CAPZB: variants seen among roughly 807,000 people sequenced by gnomAD.
The protein encoded by CAPZB is capping actin protein of muscle Z-line subunit beta, also known as F-actin-capping protein subunit beta.
In CAPZB, 2 loss-of-function variants were observed where a neutral mutation model predicts 38.1. The observed-to-expected ratio is 0.05, with a 90% CI of 0.02 to 0.17. CAPZB has a LOEUF of 0.17. Among genes scored for constraint, CAPZB ranks in the 10% least tolerant of loss-of-function variants. CAPZB has a pLI of 1.00. For missense variants in CAPZB, 161 were observed against 334.2 expected, an observed-to-expected ratio of 0.48 and a Z score of 4.04; for synonymous variants, 107 against 127.4, an observed-to-expected ratio of 0.84 and a Z score of 1.08.
At chr1:19,431,514 G>A (rs1047367759) in intron 1 of CAPZB, among the ~76,000 whole-genome samples, 4 of 152,084 alleles carry the variant, frequency 2.6e-5, no homozygotes, top group Admixed American at 2.6e-4. Context: ...GAGGTCAGCA[G>A]ATCAAGACCA....
intron 3 of CAPZB, among the ~76,000 whole-genome samples, chr1:19,380,860 A>T (rs2094170599): frequency 6.6e-6 from 1 of 152,094 alleles, no homozygotes; most frequent in South Asian, 2.1e-4. Context: ...CGCTCATTAA[A>T]AAAAAAAATG....
chr1:19,427,270 A>T (rs182293684), intron 1 of CAPZB, among the ~76,000 whole-genome samples: 3 of 152,330 alleles, frequency 2.0e-5, no homozygotes, highest in African/African-American at 7.2e-5. Context: ...TTTGTGCTTA[A>T]CAGCATCTGT....
chr1:19,411,989 C>T (rs976449834), intron 2 of CAPZB, among the ~76,000 whole-genome samples: 3 of 152,212 alleles, frequency 2.0e-5, no homozygotes, highest in Non-Finnish European at 4.4e-5. Context: ...CCAGAGCATG[C>T]CTCCTGCTCT....
At chr1:19,474,807 C>T (rs946199519) in intron 1 of CAPZB, among the ~76,000 whole-genome samples, 7 of 152,138 alleles carry the variant, frequency 4.6e-5, no homozygotes, top group African/African-American at 1.7e-4. Flanking sequence ...CTCTGGGTAC[C>T]AAATGTAACT....
intron 1 of CAPZB, among the ~76,000 whole-genome samples, chr1:19,461,432 C>T (rs2094551618): frequency 6.6e-6 from 1 of 152,180 alleles, no homozygotes; most frequent in Non-Finnish European, 1.5e-5. Flanking sequence ...GGAGCTTCAC[C>T]CAGCCTGAGC....
At chr1:19,340,131 A>G (rs1224972114) in intron 8 of CAPZB, among the ~76,000 whole-genome samples, 1 of 152,228 alleles carries the variant, frequency 6.6e-6, no homozygotes, top group Non-Finnish European at 1.5e-5. Context: ...TGCCCAGCAG[A>G]AGAGCCTCAT....
rs1243032633 is a variant in CAPZB, at chr1:19,366,307, T to TATATATATAA, written c.330-8745_330-8744insTTATATATAT. 1.9e-4 allele frequency among the ~76,000 whole-genome samples: 14 copies of TATATATATAA among 74,152 alleles called. No homozygotes were observed. The East Asian group carries it at 2.7e-3, about 14-fold the overall frequency. The allele number at this position is 74,152 out of a possible 152,430, so 48.6% of individuals were successfully genotyped here. ...AAATATATATATATATATATATATA[T>TATATATATAA]ATAAATAAAATAAATGGTCATGAGG... On this transcript the variant is annotated intron_variant, in intron 4 of 8. Transcript: ENST00000264202.
intron 1 of CAPZB, among the ~76,000 whole-genome samples, chr1:19,472,367 T>C (rs564577938): frequency 6.6e-6 from 1 of 152,278 alleles, no homozygotes; most frequent in Admixed American, 6.5e-5. Context: ...CCTTGGGGCA[T>C]GAACTAATAA....
chr1:19,354,138 A>G (rs969824766), intron 6 of CAPZB, among the ~76,000 whole-genome samples: 6 of 152,222 alleles, frequency 3.9e-5, no homozygotes, highest in African/African-American at 1.4e-4. Context: ...CTTACTGGTT[A>G]AATTATATGG....
intron 2 of CAPZB, among the ~76,000 whole-genome samples, chr1:19,415,443 T>G (rs1460494833): frequency 6.6e-6 from 1 of 152,226 alleles, no homozygotes; most frequent in African/African-American, 2.4e-5. Flanking sequence ...TGAACTTCAA[T>G]GCTACAACAG....
At chr1:19,442,941 C>T (rs975197010) in intron 1 of CAPZB, among the ~76,000 whole-genome samples, 3 of 152,140 alleles carry the variant, frequency 2.0e-5, no homozygotes, top group African/African-American at 4.8e-5. Flanking sequence ...AGGAGGCCTT[C>T]GCTACTTGCA....
chr1:19,346,386 TCTG>T (rs1260556619), intron 6 of CAPZB, among the ~76,000 whole-genome samples: 1 of 145,812 alleles, frequency 6.9e-6, no homozygotes, highest in African/African-American at 2.6e-5. Flanking sequence ...AGATTCTAAA[TCTG>T]CTTAGACATT....
intron 4 of CAPZB, among the ~76,000 whole-genome samples, chr1:19,363,439 A>C (rs1044587080): frequency 1.8e-4 from 27 of 152,060 alleles, no homozygotes; most frequent in Admixed American, 1.6e-3. Flanking sequence ...TCTTCTTCTC[A>C]GAGTTTTAGG....
Position 19,357,227 on chromosome 1 carries a change from A to G in CAPZB, c.471+195T>C, listed in dbSNP as rs2094026431. On this transcript the variant is annotated intron_variant, in intron 5 of 8. Transcript: ENST00000264202. This position sits in a 1 kb window ranked among gnomAD's most constrained non-coding sequence, Gnocchi z 4.3. ...TTTAAAGGGACATTTGTAATTATGTATTTCTTCTGGGAACTTAATCATCAA... is the reference window on the plus strand; with the variant it reads ...TTTAAAGGGACATTTGTAATTATGTGTTTCTTCTGGGAACTTAATCATCAA... 6.6e-6 allele frequency among the ~76,000 whole-genome samples: 1 copy of G among 151,040 alleles called. No homozygotes were observed.
At chr1:19,361,965 T>A (rs953604844) in intron 4 of CAPZB, among the ~76,000 whole-genome samples, 3 of 152,208 alleles carry the variant, frequency 2.0e-5, no homozygotes, top group Non-Finnish European at 4.4e-5. Flanking sequence ...TGTGAGTGAA[T>A]GATCAAATGT....
At chr1:19,413,236 C>G (rs2094364863) in intron 2 of CAPZB, among the ~76,000 whole-genome samples, 1 of 152,162 alleles carries the variant, frequency 6.6e-6, no homozygotes, top group Non-Finnish European at 1.5e-5. Flanking sequence ...GCACTTCTTC[C>G]CAGAATTAAA....
chr1:19,459,716 CCA>C (rs964060173), intron 1 of CAPZB, among the ~76,000 whole-genome samples: 4 of 152,132 alleles, frequency 2.6e-5, no homozygotes, highest in African/African-American at 9.7e-5. Context: ...TTTCAATTAC[CCA>C]CAGTCAACAG....
chr1:19,453,015 G>C (rs1412903242), intron 1 of CAPZB, among the ~76,000 whole-genome samples: 1 of 151,956 alleles, frequency 6.6e-6, no homozygotes, highest in Admixed American at 6.6e-5. Context: ...ATGCTGGCCA[G>C]GCTGGTCTCG....
chr1:19,418,720 T>G (rs2094390391), intron 2 of CAPZB, among the ~76,000 whole-genome samples: 1 of 152,206 alleles, frequency 6.6e-6, no homozygotes, highest in Non-Finnish European at 1.5e-5. Flanking sequence ...AAGTTTTCTG[T>G]GAATGACATC....
Sources: allele counts gnomAD v4.1 joint callset (sites outside exome capture counted in the v4.1 genomes callset), GRCh38; gene constraint gnomAD v4.1.1; non-coding constraint Gnocchi (gnomAD v3.1); transcripts MANE v1.5; gene names NCBI Gene and HGNC (gene_info 2026-07-23, HGNC 2026-07-21).